Variants in OFD1 observed in about 807,000 individuals in gnomAD.
OFD1 encodes the protein OFD1 centriole and centriolar satellite protein, also known as centriole and centriolar satellite protein OFD1.
OFD1 carries 12 observed loss-of-function variants against 81.4 expected under a neutral mutation model. The observed-to-expected ratio is 0.15, with a 90% CI of 0.09 to 0.24. OFD1 has a LOEUF of 0.24. Ranked by LOEUF, OFD1 falls within the 10% of genes least tolerant of loss-of-function variation. The probability of loss-of-function intolerance (pLI) is 1.00; values close to 1 mark genes in which losing one functional copy is unlikely to be tolerated. For synonymous variants in OFD1, 256 were observed against 263.7 expected (o/e 0.97, Z 0.28); for missense variants, 685 against 733.9 (o/e 0.93, Z 0.77).
intron 13 of OFD1, 58 bp from the exon 14 acceptor site, chrX:13,757,602 A>G: frequency 1.7e-6 from 2 of 1,159,933 alleles, no homozygotes; most frequent in Non-Finnish European, 2.3e-6. Context: ...GTTAAGTTAA[A>G]TAAGAAAACT....
At chrX:13,758,494 T>G (rs1479378412) in intron 15 of OFD1, 46 bp downstream of exon 15, 1 of 692,628 alleles carries the variant, frequency 1.4e-6, no homozygotes, top group African/African-American at 2.1e-5. Flanking sequence ...GTATAAAGCT[T>G]CTGGTGTCTG....
chrX:13,715,777 C>T, the OFD1 span: 1 of 897,460 alleles, frequency 1.1e-6, no homozygotes, highest in Non-Finnish European at 1.4e-6. Flanking sequence ...ACCAATTTAC[C>T]TTCACAATCA....
chrX:13,770,905 G>GA (rs2048283535), downstream of OFD1: 1 of 110,819 alleles, frequency 9.0e-6, no homozygotes, highest in Non-Finnish European at 1.9e-5. Flanking sequence ...TGAGAACAAA[G>GA]AAAGATAGGA....
At position 13,753,341 on chromosome X, in the gene OFD1, C is replaced by T. The variant is rs1404791302; in HGVS notation, c.1056-27C>T. 4 of 1,206,671 alleles carry T rather than the reference C, an allele frequency of 3.3e-6. No individual in the cohort carries two copies. In the African/African-American group the frequency reaches 5.3e-5, roughly 16 times the overall value. On this transcript the variant is annotated intron_variant, in intron 10 of 22. Coordinates refer to ENST00000340096, the MANE Select transcript of OFD1 (RefSeq NM_003611.3). ...TCTTTCCAGAAAAATGCCTGAGGAG[C>T]TCATATTTAGTCATTCTGATTCTCA...
chrX:13,757,885 T>C (rs760906930), intron 14 of OFD1, 95 bp downstream of exon 14: 42 of 996,946 alleles, frequency 4.2e-5, no homozygotes, highest in Non-Finnish European at 5.8e-5. Flanking sequence ...ATCAGATTTA[T>C]TTTAACATCA....
the OFD1 span, chrX:13,716,427 C>T: frequency 3.0e-6 from 3 of 988,223 alleles, no homozygotes; most frequent in African/African-American, 3.8e-5. Flanking sequence ...ACATTTTCAC[C>T]TGACTGTGAA....
rs748243473 is a variant in OFD1, at chrX:13,762,294, CTT to C, written c.2388-48_2388-47del. On this transcript the variant is annotated intron_variant, in intron 17 of 22. Transcript: ENST00000340096. ...AAAAGGCTTTTTGTCACCTTGTACTCTTTGGTTTTCCATTATTGAAACTTCAC... is the reference window on the plus strand; with the variant it reads ...AAAAGGCTTTTTGTCACCTTGTACTCTGGTTTTCCATTATTGAAACTTCAC... The C allele has an allele frequency of 8.4e-6, 7 of 829,187 alleles. No individual in the cohort carries two copies. In the African/African-American group the frequency reaches 1.0e-4, roughly 12 times the overall value. 68.3% of individuals were successfully genotyped at this position (829,187 alleles called of 1,213,427 possible). A position where few individuals can be genotyped will look rare whatever the true frequency, so the allele number is the denominator to read the frequency against.
the OFD1 span, chrX:13,719,977 T>A: frequency 8.9e-7 from 1 of 1,121,528 alleles, no homozygotes; most frequent in Non-Finnish European, 1.2e-6. Flanking sequence ...CTTCAATATA[T>A]GGCTCCTAAT....
intron 16 of OFD1, 42 bp downstream of exon 16, chrX:13,760,762 G>A (rs755719068): frequency 3.5e-5 from 42 of 1,204,540 alleles, no homozygotes; most frequent in Non-Finnish European, 4.3e-5. Flanking sequence ...CTCTGGAGTT[G>A]GGTAGCCACC....
rs138978912 is a variant in OFD1, at chrX:13,740,448, T to C, written c.412+1416T>C. ...TTCTGAGGTATATAGCTAGTATCTT[T>C]TGCTTAACTATTACTTCAAAAGGAA... On this transcript the variant is annotated intron_variant, in intron 5 of 22. Coordinates refer to ENST00000340096, the MANE Select transcript of OFD1 (RefSeq NM_003611.3). Among the ~76,000 whole-genome samples, 76 of 112,237 alleles carry C rather than the reference T, an allele frequency of 6.8e-4. No homozygotes were observed. In the East Asian group the frequency reaches 0.01, roughly 15 times the overall value.
intron 5 of OFD1, among the ~76,000 whole-genome samples, chrX:13,740,965 C>T (rs957426302): frequency 1.1e-4 from 12 of 108,848 alleles, no homozygotes; most frequent in Middle Eastern, 4.7e-3. Context: ...GGTGAAACCC[C>T]GTCTCTACTA....
Position 13,760,703 on chromosome X carries a change from G to A in OFD1, c.2243G>A (p.Ser748Asn). 14 of 1,209,834 alleles carry A rather than the reference G, an allele frequency of 1.2e-5. No individual in the cohort carries two copies. In the South Asian group the frequency reaches 1.9e-4, roughly 17 times the overall value. The change falls in exon 16 of 23, where the codon AGT becomes AAT. Residue 748 changes from serine to asparagine, a missense_variant. By Grantham distance (46) the Ser-to-Asn change is conservative. Transcript: ENST00000340096. ...CCAAAAGCAAAAAGAAGCCTCGAAA[G>A]TGAAATGTATCTGGAAGGTAAGCCA... ...PLPKAKRSLE[S>N]EMYLEGLGRS... is the part of the protein sequence containing the mutation.
At chrX:13,731,282 C>T (rs895777709), upstream of OFD1, among the ~76,000 whole-genome samples, 11 of 111,951 alleles carry the variant, frequency 9.8e-5, no homozygotes, top group African/African-American at 3.3e-4. Flanking sequence ...TAACAGGGTA[C>T]ATTCAGAGCG....
chrX:13,746,604 C>A, intron 7 of OFD1, 149 bp downstream of exon 7: 1 of 766,224 alleles, frequency 1.3e-6, no homozygotes, highest in Non-Finnish European at 1.9e-6. Context: ...TTTCTGGTGA[C>A]ATTTGTTTAT....
At chrX:13,749,007 A>G (rs886477802) in intron 8 of OFD1, among the ~76,000 whole-genome samples, 9 of 108,609 alleles carry the variant, frequency 8.3e-5, no homozygotes, top group Middle Eastern at 4.7e-3. Context: ...TAGTGCCTGC[A>G]GCTACTCGGT....
At chrX:13,765,491 AT>A (rs1257555363) in intron 19 of OFD1, among the ~76,000 whole-genome samples, 2 of 111,810 alleles carry the variant, frequency 1.8e-5, no homozygotes, top group Non-Finnish European at 3.8e-5. Context: ...CTCCTCTGGT[AT>A]TTTAATTTCA....
intron 9 of OFD1, 79 bp from the exon 10 acceptor site, chrX:13,751,170 A>T: frequency 1.0e-6 from 1 of 975,046 alleles, no homozygotes; most frequent in Non-Finnish European, 1.4e-6. Context: ...CTGTGGAACT[A>T]GACACATGTG....
At chrX:13,768,847 G>A in intron 22 of OFD1, 62 bp downstream of exon 22, 1 of 988,403 alleles carries the variant, frequency 1.0e-6, no homozygotes, top group Non-Finnish European at 1.4e-6. Context: ...TGTCAGCCAA[G>A]AGAAACAGAT....
the OFD1 span, among the ~76,000 whole-genome samples, chrX:13,723,056 C>T: frequency 4.1e-5 from 4 of 98,365 alleles, no homozygotes; most frequent in African/African-American, 1.5e-4. Flanking sequence ...GATCGTGCCA[C>T]TGCACACTCC....
Sources: gnomAD v4.1 joint callset for allele counts (sites outside exome capture counted in the v4.1 genomes callset) on GRCh38, gnomAD v4.1.1 for gene constraint, MANE v1.5 for transcripts, NCBI Gene and HGNC (gene_info 2026-07-23, HGNC 2026-07-21) for gene names.